The following SGCD variants were observed in gnomAD, a reference collection of about 807,000 sequenced individuals.
SGCD encodes sarcoglycan delta.
In SGCD, 18 loss-of-function variants were observed where a neutral mutation model predicts 36.6. That is an observed-to-expected ratio of 0.49 (90% CI 0.34 to 0.73). The LOEUF (loss-of-function observed/expected upper bound fraction) is 0.73, where lower values mean the gene tolerates loss of function less well. SGCD is among the 30% of genes least tolerant of loss of function. The pLI, the probability that SGCD is intolerant of heterozygous loss-of-function variation, is 0.01. For synonymous variants in SGCD, 133 were observed against 130.6 expected (o/e 1.02, Z -0.12); for missense variants, 387 against 346.7 (o/e 1.12, Z -0.92).
chr5:156,089,550 T>C (rs115726137), intron 1 of SGCD, among the ~76,000 whole-genome samples: 83 of 152,332 alleles, frequency 5.4e-4, no homozygotes, highest in African/African-American at 1.9e-3. Flanking sequence ...TTTAGCAAGA[T>C]ATGCCTCGAC....
At chr5:156,256,914 C>T (rs1255324561) in intron 3 of SGCD, among the ~76,000 whole-genome samples, 2 of 152,110 alleles carry the variant, frequency 1.3e-5, no homozygotes, top group Admixed American at 6.5e-5. Flanking sequence ...CGTGGTGGCT[C>T]ACACCTATAA....
At chr5:156,599,771 A>G (rs1487717931) in intron 6 of SGCD, among the ~76,000 whole-genome samples, 1 of 152,246 alleles carries the variant, frequency 6.6e-6, no homozygotes, top group Non-Finnish European at 1.5e-5. Context: ...AAGCAGAGCA[A>G]CCAAGAGCCA....
At chr5:155,846,409 CT>C in the SGCD span, among the ~76,000 whole-genome samples, 4 of 152,078 alleles carry the variant, frequency 2.6e-5, no homozygotes, top group Non-Finnish European at 5.9e-5. Flanking sequence ...ATGACAGACA[CT>C]TTTTTTCCTC....
At position 156,681,432 on chromosome 5, in the gene SGCD, C is replaced by G. The variant is rs79682097; in HGVS notation, c.575+33896C>G. On this transcript the variant is annotated intron_variant, in intron 7 of 8. Transcript: ENST00000337851. The stretch of plus-strand genomic sequence containing the variant: ...TCTCCACGCAGCCACTGGTGTTGCT[C>G]TGCCAGCTGAAGTCTTTTATGGGCA... Among the ~76,000 whole-genome samples the G allele has an allele frequency of 6.6e-3, 999 of 152,280 alleles. 14 individuals carry two copies. Among genetic ancestry groups the G allele is most frequent in the East Asian group, 0.046 (237 of 5,172 alleles).
At chr5:156,589,373 AG>A (rs977785408) in intron 5 of SGCD, 55 bp downstream of exon 5, 16 of 954,714 alleles carry the variant, frequency 1.7e-5, no homozygotes, top group Non-Finnish European at 2.3e-5. Context: ...CTCAGAATAC[AG>A]AATTAATGGT....
rs77043724 is a variant in SGCD at position 156,708,746 on chromosome 5, G to C, written c.576-48835G>C. On this transcript the variant is annotated intron_variant, in intron 7 of 8. Coordinates refer to ENST00000337851, the MANE Select transcript of SGCD (RefSeq NM_000337.6). ...AGGGAATGTAAATACGTGTGTGTGC[G>C]TGTGTGAGAGAGGGACCTCACAGAA... 2.2e-3 allele frequency among the ~76,000 whole-genome samples: 334 copies of C among 152,250 alleles called. 2 individuals are homozygous for C. Among genetic ancestry groups the C allele is most frequent in the African/African-American group, 7.7e-3 (319 of 41,536 alleles).
rs148865717 is a variant in SGCD, at chr5:155,974,252, A to G, written c.-282+103828A>G. Among the ~76,000 whole-genome samples the G allele has an allele frequency of 2.6e-5, 4 of 152,270 alleles. No homozygotes were observed. The East Asian group carries it at 7.8e-4, about 30-fold the overall frequency. On this transcript the variant is annotated intron_variant, in intron 1 of 9. Coordinates refer to the SGCD transcript ENST00000517913. Reference sequence around the variant, plus strand: ...TTTGGGCTCACGTGCAGTAGAGGAAATTGAGACCCAGGCAAGTTACATGAC... The same window carrying G: ...TTTGGGCTCACGTGCAGTAGAGGAAGTTGAGACCCAGGCAAGTTACATGAC...
rs367544072 is a variant in SGCD at position 156,006,615 on chromosome 5, A to G, written c.-281-111263A>G. On this transcript the variant is annotated intron_variant, in intron 1 of 9. Transcript: ENST00000517913. ...AAAGGAAAAAATCCTTCTCCCTAAC[A>G]TCTGCCACCCCTAGATAAAATATAA... Among the ~76,000 whole-genome samples the G allele has an allele frequency of 1.2e-4, 19 of 152,318 alleles. No homozygotes were observed. In the East Asian group the frequency reaches 3.7e-3, roughly 29 times the overall value.
intron 2 of SGCD, among the ~76,000 whole-genome samples, chr5:156,340,477 T>C (rs2127712937): frequency 6.6e-6 from 1 of 152,348 alleles, no homozygotes. Flanking sequence ...AATGTACCTC[T>C]ACTGGGAAGT....
chr5:156,601,442 G>A (rs1451460118), intron 6 of SGCD, among the ~76,000 whole-genome samples: 1 of 152,162 alleles, frequency 6.6e-6, no homozygotes, highest in Admixed American at 6.5e-5. Flanking sequence ...GCAATTGGCT[G>A]TAGGTGAGTG....
intron 3 of SGCD, among the ~76,000 whole-genome samples, chr5:156,371,404 A>G (rs536203954): frequency 6.6e-6 from 1 of 152,312 alleles, no homozygotes; most frequent in Non-Finnish European, 1.5e-5. Flanking sequence ...TCCTTTCATG[A>G]TACTTGTAAG....
intron 3 of SGCD, among the ~76,000 whole-genome samples, chr5:156,138,553 G>A (rs1762510377): frequency 6.6e-6 from 1 of 152,166 alleles, no homozygotes; most frequent in Non-Finnish European, 1.5e-5. Context: ...CTTCTCACCA[G>A]CATCATTCAA....
Position 156,136,030 on chromosome 5 carries a change from A to G in SGCD, c.-44+12011A>G, listed in dbSNP as rs897950702. ...TAAAGGTGGTAAAAACTCCCTCACA[A>G]ATCGAAATACAGTCTGTTTATCTAG... On this transcript the variant is annotated intron_variant, in intron 3 of 9. Coordinates refer to the SGCD transcript ENST00000517913. Among the ~76,000 whole-genome samples, 12 of 152,206 alleles carry G rather than the reference A, an allele frequency of 7.9e-5. 1 individual carries two copies. The highest frequency in any genetic ancestry group is 2.9e-4 in the African/African-American group (12 of 41,450).
chr5:156,206,892 G>C (rs1764294836), intron 3 of SGCD, among the ~76,000 whole-genome samples: 2 of 151,830 alleles, frequency 1.3e-5, no homozygotes, highest in Non-Finnish European at 1.5e-5. Context: ...AAGACTGATA[G>C]TTATTTTTTT....
chr5:156,683,796 T>A (rs1753807663), intron 7 of SGCD, among the ~76,000 whole-genome samples: 1 of 152,198 alleles, frequency 6.6e-6, no homozygotes, highest in African/African-American at 2.4e-5. Context: ...AGACAAATCA[T>A]AATTGATTCA....
chr5:156,712,145 T>C (rs2113756746), intron 7 of SGCD, among the ~76,000 whole-genome samples: 1 of 152,334 alleles, frequency 6.6e-6, no homozygotes, highest in South Asian at 2.1e-4. Flanking sequence ...ACCTCTATCT[T>C]GTGCTGACCT....
chr5:156,627,349 A>G (rs1362967479), intron 6 of SGCD, among the ~76,000 whole-genome samples: 1 of 152,108 alleles, frequency 6.6e-6, no homozygotes, highest in Non-Finnish European at 1.5e-5. Flanking sequence ...AACTATAAAA[A>G]CAGAGAGAGA....
At chr5:156,281,633 A>C (rs1229982808) in intron 3 of SGCD, among the ~76,000 whole-genome samples, 2 of 151,884 alleles carry the variant, frequency 1.3e-5, no homozygotes, top group Non-Finnish European at 2.9e-5. Context: ...TGAACCTTAC[A>C]TTCTGGTGGA....
At chr5:156,262,024 T>A (rs1423385296) in intron 3 of SGCD, among the ~76,000 whole-genome samples, 4 of 152,150 alleles carry the variant, frequency 2.6e-5, no homozygotes, top group African/African-American at 9.7e-5. Flanking sequence ...AAGTTTGTAA[T>A]TAAAAATTGA....
Sources: gnomAD v4.1 joint callset for allele counts (sites outside exome capture counted in the v4.1 genomes callset) on GRCh38, gnomAD v4.1.1 for gene constraint, MANE v1.5 for transcripts, NCBI Gene and HGNC (gene_info 2026-07-23, HGNC 2026-07-21) for gene names.